The following RIN3 variants were observed in gnomAD, a reference collection of about 807,000 sequenced individuals.
RIN3 encodes RAB5 interacting protein 3.
In RIN3, 54 loss-of-function variants were observed where a neutral mutation model predicts 76.3. The observed-to-expected ratio is 0.71, with a 90% confidence interval of 0.57 to 0.89. The LOEUF is 0.89. Among genes scored for constraint, RIN3 ranks in the 40% least tolerant of loss-of-function variants. RIN3 has a pLI of 0.00. For missense variants in RIN3, 1,256 were observed against 1,322.1 expected (o/e 0.95, Z 0.78); for synonymous variants, 576 against 564.0 (o/e 1.02, Z -0.30).
chr14:92,648,120 C>T lies in RIN3; in HGVS notation c.533-3462C>T, dbSNP rs1887270733. On this transcript the variant is annotated intron_variant, in intron 5 of 9. Transcript: ENST00000216487. The surrounding 1 kb of genome is among the most constrained non-coding windows in gnomAD (Gnocchi z 4.1). Reference sequence around the variant, plus strand: ...TTTTTTTTTTTTGGAGCATAAAGCCCTGCAATGCCACTGTGGTTCCCTAAC... The same window carrying T: ...TTTTTTTTTTTTGGAGCATAAAGCCTTGCAATGCCACTGTGGTTCCCTAAC... Among the ~76,000 whole-genome samples the T allele has an allele frequency of 1.3e-5, 2 of 151,310 alleles. No individual in the cohort carries two copies. The highest frequency in any genetic ancestry group is 4.2e-4 in the South Asian group (2 of 4,760).
chr14:92,650,791 C>G (rs1374599184), intron 5 of RIN3: 2 of 152,512 alleles, frequency 1.3e-5, no homozygotes, highest in Non-Finnish European at 2.9e-5. Context: ...CTGTCCCTAG[C>G]CTGCTTTGGT....
chr14:92,641,373 G>T, intron 5 of RIN3, 44 bp downstream of exon 5: 1 of 1,479,364 alleles, frequency 6.8e-7, no homozygotes. Flanking sequence ...GGGGCGTTAG[G>T]AACTGGGGCC....
At chr14:92,599,447 G>T (rs1885266076) in intron 3 of RIN3, among the ~76,000 whole-genome samples, 1 of 152,186 alleles carries the variant, frequency 6.6e-6, no homozygotes, top group Non-Finnish European at 1.5e-5. Context: ...AGGAAGAGGA[G>T]CCAGTGGTGC....
At position 92,561,055 on chromosome 14, in the gene RIN3, A is replaced by ATATCTATATATC. The variant is rs71123360; in HGVS notation, c.249+5101_249+5102insATCTATATATCT. Among the ~76,000 whole-genome samples the ATATCTATATATC allele has an allele frequency of 2.5e-5, 2 of 79,162 alleles. 1 individual carries two copies. Among genetic ancestry groups the ATATCTATATATC allele is most frequent in the Non-Finnish European group, 4.9e-5 (2 of 40,408 alleles). The allele number at this position is 79,162 out of a possible 152,430, so 51.9% of individuals were successfully genotyped here. A position where few individuals can be genotyped will look rare whatever the true frequency, so the allele number is the denominator to read the frequency against. On this transcript the variant is annotated intron_variant, in intron 2 of 9. Coordinates refer to ENST00000216487, the MANE Select transcript of RIN3 (RefSeq NM_024832.5). ...AAAAAAAAAAAAAAAATATATATAT[A>ATATCTATATATC]TCTGCCATATATATGCCATAAATAT...
intron 7 of RIN3, among the ~76,000 whole-genome samples, chr14:92,661,417 G>C (rs1183087382): frequency 6.6e-6 from 1 of 152,090 alleles, no homozygotes; most frequent in Non-Finnish European, 1.5e-5. Context: ...TGTGTCCTGC[G>C]ACCATGTGTT....
At chr14:92,603,026 CCAACT>C (rs1016993828) in intron 3 of RIN3, among the ~76,000 whole-genome samples, 2 of 152,230 alleles carry the variant, frequency 1.3e-5, no homozygotes, top group Non-Finnish European at 2.9e-5. Flanking sequence ...CAGCAAAAGG[CCAACT>C]CAGGCAAACT....
intron 4 of RIN3, 183 bp downstream of exon 4, chr14:92,615,662 A>T: frequency 1.7e-6 from 1 of 602,764 alleles, no homozygotes; most frequent in Non-Finnish European, 3.0e-6. Context: ...AGGCTTTCTC[A>T]CACTATCTGA....
At chr14:92,536,015 C>T (rs143928744) in intron 1 of RIN3, among the ~76,000 whole-genome samples, 33 of 152,262 alleles carry the variant, frequency 2.2e-4, no homozygotes, top group African/African-American at 6.5e-4. Context: ...GCTACTATTG[C>T]GGCTGTGCAG....
At chr14:92,565,190 T>C (rs544272361) in intron 2 of RIN3, among the ~76,000 whole-genome samples, 2 of 152,286 alleles carry the variant, frequency 1.3e-5, no homozygotes, top group African/African-American at 4.8e-5. Context: ...CCTTTCCCTG[T>C]CCAGGGTGCC....
intron 1 of RIN3, 88 bp from the exon 2 acceptor site, chr14:92,555,663 G>C: frequency 2.4e-6 from 3 of 1,263,164 alleles, no homozygotes; most frequent in Non-Finnish European, 3.4e-6. Flanking sequence ...TGCTGAATAA[G>C]TAAGCGTGGC....
chr14:92,665,753 G>C (rs751139333), intron 7 of RIN3, among the ~76,000 whole-genome samples: 8 of 141,134 alleles, frequency 5.7e-5, no homozygotes, highest in Non-Finnish European at 9.1e-5. Context: ...TTTTCTTAAT[G>C]AAAGTTCCTC....
intron 8 of RIN3, among the ~76,000 whole-genome samples, chr14:92,677,765 C>T (rs1269567044): frequency 6.6e-6 from 1 of 152,030 alleles, no homozygotes; most frequent in Non-Finnish European, 1.5e-5. Context: ...TTCATCTGTC[C>T]ATCCATATAG....
intron 1 of RIN3, among the ~76,000 whole-genome samples, chr14:92,548,039 T>TAA (rs1897328766): frequency 6.6e-6 from 1 of 152,182 alleles, no homozygotes; most frequent in East Asian, 1.9e-4. Flanking sequence ...TAGCAATGCA[T>TAA]AATTATTATA....
intron 6 of RIN3, among the ~76,000 whole-genome samples, chr14:92,654,085 G>T (rs940550403): frequency 8.6e-5 from 13 of 150,974 alleles, no homozygotes; most frequent in South Asian, 2.1e-4. Flanking sequence ...AGGCTGAGGT[G>T]GGGGGATCAC....
In RIN3 at chr14:92,608,913, G is replaced by T. The variant is rs59165087; in HGVS notation, c.368-6494G>T. 3.5e-3 allele frequency among the ~76,000 whole-genome samples: 531 copies of T among 152,116 alleles called. 14 individuals are homozygous for T. The South Asian group carries it at 0.05, about 14-fold the overall frequency. ...TTAAAAAATTTATTTATTTTAATTT[G>T]GGGGTACAAGTGGGTTTTGTTTACA... On this transcript the variant is annotated intron_variant, in intron 3 of 9. Transcript: ENST00000216487.
intron 2 of RIN3, among the ~76,000 whole-genome samples, chr14:92,563,900 TACACACACAA>T (rs928045419): frequency 6.6e-6 from 1 of 152,206 alleles, no homozygotes; most frequent in African/African-American, 2.4e-5. Flanking sequence ...TACATCTCTG[TACACACACAA>T]ACACACACAC....
intron 3 of RIN3, among the ~76,000 whole-genome samples, chr14:92,594,242 G>A (rs1410313579): frequency 2.0e-5 from 3 of 152,122 alleles, no homozygotes; most frequent in African/African-American, 7.2e-5. Flanking sequence ...AGACCACCCT[G>A]ACTAATATGG....
chr14:92,521,179 A>G (rs1896587601), intron 1 of RIN3, among the ~76,000 whole-genome samples: 2 of 141,460 alleles, frequency 1.4e-5, no homozygotes, highest in South Asian at 4.2e-4. Context: ...CCCTTCATCC[A>G]TCCATCCACC....
At chr14:92,594,477 A>G (rs541713883) in intron 3 of RIN3, among the ~76,000 whole-genome samples, 121 of 152,302 alleles carry the variant, frequency 7.9e-4, no homozygotes, top group Admixed American at 1.7e-3. Context: ...TCTTCTCTCA[A>G]ACCACAAGGG....
Sources: gnomAD v4.1 joint callset for allele counts (sites outside exome capture counted in the v4.1 genomes callset) on GRCh38, gnomAD v4.1.1 for gene constraint, Gnocchi (gnomAD v3.1) non-coding constraint, MANE v1.5 for transcripts, NCBI Gene and HGNC (gene_info 2026-07-23, HGNC 2026-07-21) for gene names.